Variants in L3MBTL3 observed in about 807,000 individuals in gnomAD.
The protein encoded by L3MBTL3 is L3MBTL histone methyl-lysine binding protein 3, also known as lethal(3)malignant brain tumor-like protein 3.
Under a neutral mutation model 102.3 loss-of-function variants are expected in L3MBTL3, and 27 were observed. The ratio of observed to expected loss-of-function variants is 0.26; its 90% CI spans 0.19 to 0.36. The LOEUF (loss-of-function observed/expected upper bound fraction) is 0.36. Ranked by LOEUF, L3MBTL3 falls within the 10% of genes least tolerant of loss-of-function variation. The probability of loss-of-function intolerance (pLI) is 1.00; values close to 1 mark genes in which losing one functional copy is unlikely to be tolerated. For missense variants in L3MBTL3, 798 were observed against 955.3 expected (o/e 0.84, Z 2.17); for synonymous variants, 340 against 320.9 (o/e 1.06, Z -0.64).
chr6:130,094,236 C>T (rs759201229), intron 17 of L3MBTL3, 29 bp from the exon 18 acceptor site: 6 of 1,551,982 alleles, frequency 3.9e-6, no homozygotes, highest in Non-Finnish European at 5.3e-6. Flanking sequence ...ATATTTTGCC[C>T]CTTCTTTCTT....
At chr6:130,032,872 A>C (rs891603218) in intron 2 of L3MBTL3, among the ~76,000 whole-genome samples, 6 of 152,184 alleles carry the variant, frequency 3.9e-5, no homozygotes, top group African/African-American at 1.4e-4. Context: ...GTGCACCTGT[A>C]GTGCTGGCTC....
At chr6:130,103,133 T>C (rs1582572329) in intron 18 of L3MBTL3, among the ~76,000 whole-genome samples, 2 of 152,352 alleles carry the variant, frequency 1.3e-5, no homozygotes, top group East Asian at 1.9e-4. Context: ...CAAGATAAAG[T>C]AAAATATTGC....
At chr6:130,055,311 A>G in intron 8 of L3MBTL3, 56 bp downstream of exon 8, 2 of 1,358,952 alleles carry the variant, frequency 1.5e-6, no homozygotes. Flanking sequence ...GAAATGGTTC[A>G]CACAGGTGGA....
At chr6:130,070,813 GCTTGTT>G in intron 12 of L3MBTL3, 157 bp from the exon 13 acceptor site, 1 of 204,992 alleles carries the variant, frequency 4.9e-6, no homozygotes. Flanking sequence ...TTTTTTTGCG[GCTTGTT>G]GGAAAGCGAC....
At chr6:130,104,736 T>TA (rs930371869) in intron 19 of L3MBTL3, among the ~76,000 whole-genome samples, 161 bp downstream of exon 19, 56 of 145,698 alleles carry the variant, frequency 3.8e-4, no homozygotes, top group African/African-American at 4.5e-4. Flanking sequence ...TACTTGAACT[T>TA]AAAAAAAAAA....
chr6:130,033,326 T>C (rs1779847314), intron 2 of L3MBTL3, among the ~76,000 whole-genome samples: 1 of 152,160 alleles, frequency 6.6e-6, no homozygotes, highest in South Asian at 2.1e-4. Flanking sequence ...GAGTATGTCA[T>C]TCTGCACCAA....
Position 130,133,409 on chromosome 6 carries a change from G to T in L3MBTL3, c.1967-43G>T. The T allele has an allele frequency of 1.2e-6, 2 of 1,600,804 alleles. No individual in the cohort carries two copies. The highest frequency in any genetic ancestry group is 1.7e-6 in the Non-Finnish European group (2 of 1,171,102). Reference sequence around the variant, plus strand: ...GATGCACGGCATTTGGGGCTTTCTTGCTGCTTTCAGAGAGTGATTTCCCAT... The same window carrying T: ...GATGCACGGCATTTGGGGCTTTCTTTCTGCTTTCAGAGAGTGATTTCCCAT... On this transcript the variant is annotated intron_variant, in intron 20 of 22. Transcript: ENST00000361794. The surrounding 1 kb of genome is among the most constrained non-coding windows in gnomAD (Gnocchi z 4.9).
At chr6:130,125,531 A>G (rs932751671) in intron 20 of L3MBTL3, among the ~76,000 whole-genome samples, 3 of 152,024 alleles carry the variant, frequency 2.0e-5, no homozygotes, top group Non-Finnish European at 4.4e-5. Flanking sequence ...AGTTTTCCCA[A>G]GGTCTTTTGT....
rs964195396 is a variant in L3MBTL3, at chr6:130,140,307, T to G, written c.*554T>G. The G allele has an allele frequency of 6.5e-6, 1 of 152,778 alleles. No homozygotes were observed. 9.5% of individuals were successfully genotyped at this position (152,778 alleles called of 1,614,324 possible). A position where few individuals can be genotyped will look rare whatever the true frequency, so the allele number is the denominator to read the frequency against. On this transcript the variant is annotated 3_prime_UTR_variant, in exon 23 of 23. Coordinates refer to ENST00000361794, the MANE Select transcript of L3MBTL3 (RefSeq NM_032438.4). The stretch of plus-strand genomic sequence containing the variant: ...GCAAGTCATGATATTGCCTAACTGC[T>G]TGTCATAATTGTCAGGGCTGAATAG...
intron 3 of L3MBTL3, among the ~76,000 whole-genome samples, chr6:130,046,225 G>A (rs1048852898): frequency 6.6e-6 from 1 of 152,148 alleles, no homozygotes; most frequent in East Asian, 1.9e-4. Flanking sequence ...ATAATTGCCA[G>A]TTAGCCAAGA....
rs1028029417 is a variant in L3MBTL3, at chr6:130,081,864, A to G, written c.1322-1756A>G. On this transcript the variant is annotated intron_variant, in intron 14 of 22. Coordinates refer to ENST00000361794, the MANE Select transcript of L3MBTL3 (RefSeq NM_032438.4). Reference sequence around the variant, plus strand: ...CAGTTGTCCTAGTGATGTTATTCCTAGCAAAAGGATCTCAGTTGTCAGATC... The same window carrying G: ...CAGTTGTCCTAGTGATGTTATTCCTGGCAAAAGGATCTCAGTTGTCAGATC... 2.0e-5 allele frequency among the ~76,000 whole-genome samples: 3 copies of G among 152,182 alleles called. No homozygotes were observed. The South Asian group carries it at 6.2e-4, about 31-fold the overall frequency.
chr6:130,051,225 G>A (rs759646803), intron 5 of L3MBTL3, 24 bp from the exon 6 acceptor site: 2 of 1,583,780 alleles, frequency 1.3e-6, no homozygotes, highest in Non-Finnish European at 1.7e-6. Flanking sequence ...GTTGTAATTT[G>A]CATTTCTTCT....
chr6:130,123,960 C>T (rs1386804170), intron 20 of L3MBTL3, among the ~76,000 whole-genome samples: 2 of 152,090 alleles, frequency 1.3e-5, no homozygotes, highest in East Asian at 1.9e-4. Flanking sequence ...AAACAGACCC[C>T]GAGAGTGTTT....
chr6:130,084,891 A>G (rs569626006), intron 15 of L3MBTL3, among the ~76,000 whole-genome samples: 9 of 152,230 alleles, frequency 5.9e-5, no homozygotes, highest in South Asian at 2.1e-4. Context: ...GTGCAGTGCC[A>G]TGATCTCGTC....
chr6:130,036,255 G>A (rs968018492), intron 2 of L3MBTL3, among the ~76,000 whole-genome samples: 4 of 152,174 alleles, frequency 2.6e-5, no homozygotes, highest in African/African-American at 7.2e-5. Flanking sequence ...GTTCCTGGCT[G>A]TTCTGCCTCA....
intron 7 of L3MBTL3, among the ~76,000 whole-genome samples, chr6:130,053,883 G>A (rs1781276347): frequency 6.6e-6 from 1 of 152,202 alleles, no homozygotes; most frequent in Non-Finnish European, 1.5e-5. Flanking sequence ...GGATGCATAA[G>A]ACAAATAGAT....
At chr6:130,105,554 C>T (rs933959261) in intron 19 of L3MBTL3, among the ~76,000 whole-genome samples, 1 of 144,016 alleles carries the variant, frequency 6.9e-6, no homozygotes, top group East Asian at 2.0e-4. Context: ...CCTGGGAGGT[C>T]GAGGCTGCAG....
chr6:130,042,828 A>G (rs1371383864), intron 3 of L3MBTL3, 27 bp downstream of exon 3: 2 of 1,385,478 alleles, frequency 1.4e-6, no homozygotes, highest in East Asian at 2.3e-5. Flanking sequence ...ACATACAATT[A>G]TGTGTGTGTG....
chr6:130,027,527 G>A (rs1269036201), intron 2 of L3MBTL3, among the ~76,000 whole-genome samples: 1 of 152,084 alleles, frequency 6.6e-6, no homozygotes, highest in Non-Finnish European at 1.5e-5. Context: ...TGGTCTAATT[G>A]GGTGGACTTG....
Sources: allele counts gnomAD v4.1 joint callset (sites outside exome capture counted in the v4.1 genomes callset), GRCh38; gene constraint gnomAD v4.1.1; non-coding constraint Gnocchi (gnomAD v3.1); transcripts MANE v1.5; gene names NCBI Gene and HGNC (gene_info 2026-07-23, HGNC 2026-07-21).